Variants in SLC8A3 observed in about 807,000 individuals in gnomAD.
SLC8A3 encodes the protein solute carrier family 8 member A3.
A neutral mutation model predicts 65.4 loss-of-function variants in SLC8A3; 37 were observed. The ratio of observed to expected loss-of-function variants is 0.57; its 90% CI spans 0.44 to 0.74. The LOEUF (loss-of-function observed/expected upper bound fraction) is 0.74. SLC8A3 is among the 30% of genes least tolerant of loss of function. The pLI is 0.00. For synonymous variants in SLC8A3, 461 were observed against 444.5 expected (o/e 1.04, Z -0.47); for missense variants, 1,112 against 1,172.1 (o/e 0.95, Z 0.75).
At chr14:70,069,080 C>T (rs1270952283) in intron 2 of SLC8A3, among the ~76,000 whole-genome samples, 1 of 152,220 alleles carries the variant, frequency 6.6e-6, no homozygotes, top group East Asian at 1.9e-4. Flanking sequence ...AAGTAACTTG[C>T]TCAGTCGCAC....
chr14:70,170,909 A>G (rs1398069531), intron 1 of SLC8A3, among the ~76,000 whole-genome samples: 3 of 152,152 alleles, frequency 2.0e-5, no homozygotes, highest in Admixed American at 1.3e-4. Context: ...AGAAGAGGTT[A>G]TGGGAATGAC....
chr14:70,054,692 G>A (rs1465940333), intron 3 of SLC8A3, among the ~76,000 whole-genome samples: 2 of 152,094 alleles, frequency 1.3e-5, no homozygotes, highest in East Asian at 3.9e-4. Context: ...GAAGCAAAAA[G>A]CCAAGGAAGC....
chr14:70,091,289 C>T (rs971249250), intron 2 of SLC8A3, among the ~76,000 whole-genome samples: 24 of 152,114 alleles, frequency 1.6e-4, no homozygotes, highest in Non-Finnish European at 5.9e-5. Flanking sequence ...AAAATAGCTC[C>T]TTTTTTAATA....
chr14:70,139,738 C>T (rs566872610), intron 2 of SLC8A3, among the ~76,000 whole-genome samples: 1 of 152,190 alleles, frequency 6.6e-6, no homozygotes, highest in African/African-American at 2.4e-5. Flanking sequence ...AAGGTGATGC[C>T]CCCGGGAGAG....
At position 70,101,280 on chromosome 14, in the gene SLC8A3, T is replaced by C. The variant is rs574347384; in HGVS notation, c.1785-40341A>G. 5.9e-5 allele frequency among the ~76,000 whole-genome samples: 9 copies of C among 152,280 alleles called. No homozygotes were observed. In the South Asian group the frequency reaches 1.5e-3, roughly 25 times the overall value. On this transcript the variant is annotated intron_variant, in intron 2 of 6. Coordinates refer to ENST00000356921, the MANE Select transcript of SLC8A3 (RefSeq NM_182932.3). ...AGAGTATGTGATGGGGGATGAAATA[T>C]AGACTGACTGAACCAGGAATGGCCA...
intron 2 of SLC8A3, among the ~76,000 whole-genome samples, chr14:70,146,234 A>G (rs1470269143): frequency 6.6e-6 from 1 of 152,304 alleles, no homozygotes; most frequent in African/African-American, 2.4e-5. Flanking sequence ...GAAGATGTGT[A>G]ATGTCGACAA....
At chr14:70,144,400 C>T (rs373399350) in intron 2 of SLC8A3, among the ~76,000 whole-genome samples, 14 of 140,274 alleles carry the variant, frequency 1.0e-4, no homozygotes, top group African/African-American at 2.7e-4. Flanking sequence ...AAGGCCAAGG[C>T]GAGTAGATCA....
chr14:70,149,730 A>G (rs900354704), intron 2 of SLC8A3, among the ~76,000 whole-genome samples: 1 of 152,200 alleles, frequency 6.6e-6, no homozygotes, highest in Non-Finnish European at 1.5e-5. Flanking sequence ...TGAGACCAGA[A>G]AGACTTTGCC....
At chr14:70,107,974 T>C (rs1594994820) in intron 2 of SLC8A3, among the ~76,000 whole-genome samples, 1 of 152,250 alleles carries the variant, frequency 6.6e-6, no homozygotes, top group Middle Eastern at 3.4e-3. Flanking sequence ...CCTTCATCTT[T>C]CTTCTCTTGG....
intron 2 of SLC8A3, among the ~76,000 whole-genome samples, chr14:70,077,617 G>A (rs1566761898): frequency 6.6e-6 from 1 of 152,192 alleles, no homozygotes; most frequent in Non-Finnish European, 1.5e-5. Context: ...TGTCCAGTAG[G>A]CAGAGGTGGC....
rs182791172 is a variant in SLC8A3, at chr14:70,149,379, C to T, written c.1784+17260G>A. ...CATCCACAGCACTATGGGAGAGTCA[C>T]GGGTCTTGCTCCAGATCACTTGGCC... On this transcript the variant is annotated intron_variant, in intron 2 of 6. Transcript: ENST00000356921. 1.5e-4 allele frequency among the ~76,000 whole-genome samples: 23 copies of T among 152,254 alleles called. No homozygotes were observed. The East Asian group carries it at 1.5e-3, about 10-fold the overall frequency.
At chr14:70,141,182 T>G (rs1895548594) in intron 2 of SLC8A3, among the ~76,000 whole-genome samples, 1 of 152,090 alleles carries the variant, frequency 6.6e-6, no homozygotes, top group South Asian at 2.1e-4. Context: ...GGCTAAGAGG[T>G]TGGTTTGTTG....
chr14:70,072,925 G>C (rs1890143428), intron 2 of SLC8A3, among the ~76,000 whole-genome samples: 1 of 152,146 alleles, frequency 6.6e-6, no homozygotes, highest in African/African-American at 2.4e-5. Flanking sequence ...TGGGATTACA[G>C]GCATGAGCTA....
chr14:70,165,380 A>C (rs1395026334), intron 2 of SLC8A3, among the ~76,000 whole-genome samples: 3 of 152,062 alleles, frequency 2.0e-5, no homozygotes, highest in Admixed American at 6.6e-5. Context: ...ATGGCTCCCC[A>C]CTTTTCCATG....
At position 70,044,238 on chromosome 14, in the gene SLC8A3, G is replaced by T. The variant is rs1424611537; in HGVS notation, c.*1709C>A. ...GCTGTATGTAGAGAGATATAGTATA[G>T]CTTTTATTTTTTTTTTGAACCAACC... On this transcript the variant is annotated 3_prime_UTR_variant, in exon 7 of 7. Transcript: ENST00000356921. 1 of 152,104 alleles carries T rather than the reference G, an allele frequency of 6.6e-6. No individual in the cohort carries two copies. 9.4% of individuals were successfully genotyped at this position (152,104 alleles called of 1,614,324 possible).
intron 2 of SLC8A3, among the ~76,000 whole-genome samples, chr14:70,126,655 G>A (rs1894478457): frequency 6.6e-6 from 1 of 151,408 alleles, no homozygotes; most frequent in Admixed American, 6.6e-5. Flanking sequence ...GGGGTGCCCA[G>A]AGAATGAAAA....
intron 2 of SLC8A3, among the ~76,000 whole-genome samples, chr14:70,123,072 C>CAAA (rs1258241299): frequency 2.0e-5 from 2 of 100,788 alleles, no homozygotes; most frequent in Non-Finnish European, 2.1e-5. Flanking sequence ...GACTCCATCT[C>CAAA]CAAAAAAAAA....
intron 1 of SLC8A3, among the ~76,000 whole-genome samples, chr14:70,170,614 A>G (rs1424577360): frequency 6.6e-6 from 1 of 152,232 alleles, no homozygotes; most frequent in African/African-American, 2.4e-5. Flanking sequence ...TGCTTTGGAA[A>G]TACATATACA....
At chr14:70,114,935 A>G (rs1452531508) in intron 2 of SLC8A3, among the ~76,000 whole-genome samples, 1 of 152,160 alleles carries the variant, frequency 6.6e-6, no homozygotes, top group Non-Finnish European at 1.5e-5. Context: ...CAGGGCAGAT[A>G]CACAAGGGAC....
Sources: allele counts gnomAD v4.1 joint callset (sites outside exome capture counted in the v4.1 genomes callset), GRCh38; gene constraint gnomAD v4.1.1; transcripts MANE v1.5; gene names NCBI Gene and HGNC (gene_info 2026-07-23, HGNC 2026-07-21).